The following EPHA2 variants were observed in gnomAD, a reference collection of about 807,000 sequenced individuals.
EPHA2 encodes ephrin type-A receptor 2.
Under a neutral mutation model 104.9 loss-of-function variants are expected in EPHA2, and 54 were observed. The observed-to-expected ratio is 0.51, with a 90% CI of 0.41 to 0.65. The LOEUF (loss-of-function observed/expected upper bound fraction) is 0.65, where lower values mean the gene tolerates loss of function less well. Among genes scored for constraint, EPHA2 ranks in the 30% least tolerant of loss-of-function variants. The pLI, the probability that EPHA2 is intolerant of heterozygous loss-of-function variation, is 0.00. For missense variants in EPHA2, 1,117 were observed against 1,369.5 expected (o/e 0.82, Z 2.91); for synonymous variants, 560 against 559.1 (o/e 1.00, Z -0.02).
intron 1 of EPHA2, chr1:16,153,010 T>C (rs6684516): frequency 0.61 from 351,209 of 575,624 alleles, 108,380 homozygotes; most frequent in East Asian, 0.9. Flanking sequence ...CTCCCGCTTC[T>C]CTGGAAAGGG....
Position 16,150,052 on chromosome 1 carries a change from A to C in EPHA2, c.153+844T>G, listed in dbSNP as rs1161174579. Among the ~76,000 whole-genome samples the C allele has an allele frequency of 6.6e-6, 1 of 152,082 alleles. No individual in the cohort carries two copies. The highest frequency in any genetic ancestry group is 1.5e-5 in the Non-Finnish European group (1 of 68,012). ...TATTAGGTGACCCGTGTTCCCTCCC[A>C]GCTAGACTTCCAGGATCCTAGAAAC... On this transcript the variant is annotated intron_variant, in intron 2 of 16. Transcript: ENST00000358432. The surrounding 1 kb of genome is among the most constrained non-coding windows in gnomAD (Gnocchi z 4.8).
rs1179970351 is a variant in EPHA2, at chr1:16,138,352, G to A, written c.902C>T (p.Pro301Leu). Residue 301 changes from proline (P) to leucine (L), a missense_variant, in exon 4 of 17, where the codon CCT becomes CTT. Physicochemically the swap from Pro to Leu is moderately conservative, Grantham distance 98. Around this residue, in one of 3 missense-constraint regions of EPHA2, gnomAD observed 664 missense variants for 784.8 expected, o/e 0.85. Transcript: ENST00000358432. ...LECPEHTLPSPEGATSCECEE... is the reference protein window; with the variant it reads ...LECPEHTLPSLEGATSCECEE... ...ACACTCGCAGGAGGTGGCACCCTCA[G>A]GGGATGGCAGCGTGTGCTCAGGGCA... is the stretch of plus-strand genomic sequence containing the variant. The A allele has an allele frequency of 1.2e-6, 2 of 1,613,910 alleles. No homozygotes were observed. Among genetic ancestry groups the A allele is most frequent in the Non-Finnish European group, 1.7e-6 (2 of 1,179,998 alleles).
rs959400246 is a variant in EPHA2, at chr1:16,126,674, C to T, written c.2826-1354G>A. Among the ~76,000 whole-genome samples, 8 of 152,224 alleles carry T rather than the reference C, an allele frequency of 5.3e-5. No homozygotes were observed. In the South Asian group the frequency reaches 1.0e-3, roughly 20 times the overall value. On this transcript the variant is annotated intron_variant, in intron 16 of 16. Coordinates refer to ENST00000358432, the MANE Select transcript of EPHA2 (RefSeq NM_004431.5). ...TCTCAAATTGTGGTCCCTGGAAAAG[C>T]GCTCAGACCACGGTGAAGGAGACAG...
chr1:16,139,577 G>C (rs970725452), intron 3 of EPHA2, among the ~76,000 whole-genome samples: 14 of 152,222 alleles, frequency 9.2e-5, no homozygotes, highest in African/African-American at 3.1e-4. Context: ...AACAGCTAAG[G>C]GGGTGGAGAA....
rs182497996 is a variant in EPHA2, at chr1:16,134,217, G to A, written c.1682+251C>T. ...GAGCTACTCGGGGATTCCTGCCTGC[G>A]TGTCCAGAGGAAGTGTGGACACATC... is the stretch of plus-strand genomic sequence containing the variant. On this transcript the variant is annotated intron_variant, in intron 8 of 16. Transcript: ENST00000358432. The surrounding 1 kb of genome is among the most constrained non-coding windows in gnomAD (Gnocchi z 4.5). Among the ~76,000 whole-genome samples, 3 of 142,102 alleles carry A rather than the reference G, an allele frequency of 2.1e-5. No homozygotes were observed. The highest frequency in any genetic ancestry group is 2.1e-4 in the East Asian group (1 of 4,732). 93.2% of individuals were successfully genotyped at this position (142,102 alleles called of 152,430 possible).
rs1425568557 is a variant in EPHA2 at position 16,133,360 on chromosome 1, CA to C, written c.1872del (p.Phe624LeufsTer9). On this transcript the variant is annotated frameshift_variant, in exon 11 of 17. Transcript: ENST00000358432. LOFTEE classifies it high-confidence loss of function. ...TTCAGCATGCCCTTGTACACCTCCC[CA>C]AACTCTCCTGTGGGCAGACAGGGTC... ...TRQKVIGAGE[F>X]GEVYKGMLKT... 1 of 1,613,764 alleles carries C rather than the reference CA, an allele frequency of 6.2e-7. No individual in the cohort carries two copies. Among genetic ancestry groups the C allele is most frequent in the East Asian group, 2.2e-5 (1 of 44,898 alleles).
Position 16,137,857 on chromosome 1 carries a change from C to G in EPHA2, c.1308G>C (p.Gln436His). The change falls in exon 5 of 17, where the codon CAG (glutamine) becomes CAC (histidine). Residue 436 changes from glutamine (Q) to histidine (H), a missense_variant. Around this residue, in one of 3 missense-constraint regions of EPHA2, gnomAD observed 664 missense variants for 784.8 expected, o/e 0.85. Transcript: ENST00000358432. ...SFRTASVSIN[Q>H]TEPPKVRLEG... The stretch of plus-strand genomic sequence containing the variant: ...GCTGCCACCCCTGGACCTCACCTGT[C>G]TGGTTGATGCTGACACTGGCAGTAC... 3 of 1,613,740 alleles carry G rather than the reference C, an allele frequency of 1.9e-6. No homozygotes were observed. Among genetic ancestry groups the G allele is most frequent in the South Asian group, 2.2e-5 (2 of 91,078 alleles).
rs1331327639 is a variant in EPHA2, at chr1:16,155,840, G to T, written c.85+8C>A. On this transcript the variant is annotated splice_region_variant and intron_variant, in intron 1 of 16. Transcript: ENST00000358432. ...GGGGCCAGGGGTCCAGACGCCGCGC[G>T]CACTCACCTTCCTTGCCCTGCGCCG... 1.4e-6 allele frequency: 2 copies of T among 1,431,368 alleles called. No homozygotes were observed. The highest frequency in any genetic ancestry group is 2.8e-5 in the Admixed American group (1 of 35,478). The allele number at this position is 1,431,368 out of a possible 1,614,324, so 88.7% of individuals were successfully genotyped here. A position where few individuals can be genotyped will look rare whatever the true frequency, so the allele number is the denominator to read the frequency against.
Position 16,148,019 on chromosome 1 carries a change from G to T in EPHA2, c.823+359C>A, listed in dbSNP as rs941945778. 6.6e-6 allele frequency among the ~76,000 whole-genome samples: 1 copy of T among 151,916 alleles called. No individual in the cohort carries two copies. Among genetic ancestry groups the T allele is most frequent in the Non-Finnish European group, 1.5e-5 (1 of 67,984 alleles). ...GCCTCCCAAGTAGCTGGGATTACAG[G>T]TGCATGCCACCACACCCAGCTAATT... is the stretch of plus-strand genomic sequence containing the variant. On this transcript the variant is annotated intron_variant, in intron 3 of 16. Transcript: ENST00000358432. This position sits in a 1 kb window ranked among gnomAD's most constrained non-coding sequence, Gnocchi z 4.9.
In EPHA2 at chr1:16,133,851, G is replaced by C; in HGVS notation, c.1738+9C>G. 6.5e-7 allele frequency: 1 copy of C among 1,545,236 alleles called. No homozygotes were observed. Among genetic ancestry groups the C allele is most frequent in the East Asian group, 2.4e-5 (1 of 40,826 alleles). On this transcript the variant is annotated intron_variant, in intron 9 of 16. Coordinates refer to ENST00000358432, the MANE Select transcript of EPHA2 (RefSeq NM_004431.5). ...CAGGGCTGGGCCTGGAGCGGGGGCTGCGTCTCACCTGACTTGGAGAAGTAA... is the reference window on the plus strand; with the variant it reads ...CAGGGCTGGGCCTGGAGCGGGGGCTCCGTCTCACCTGACTTGGAGAAGTAA...
At chr1:16,126,396 A>G (rs553747925) in intron 16 of EPHA2, among the ~76,000 whole-genome samples, 1 of 152,326 alleles carries the variant, frequency 6.6e-6, no homozygotes, top group South Asian at 2.1e-4. Flanking sequence ...GCAAGATCCT[A>G]GTTGCAGTTC....
intron 5 of EPHA2, among the ~76,000 whole-genome samples, chr1:16,136,227 C>A (rs1174539001): frequency 2.0e-5 from 3 of 151,766 alleles, no homozygotes; most frequent in Admixed American, 1.3e-4. Flanking sequence ...GAGCACAGGG[C>A]CAGAGCCCCA....
At chr1:16,144,378 T>A (rs2024888304) in intron 3 of EPHA2, among the ~76,000 whole-genome samples, 1 of 152,208 alleles carries the variant, frequency 6.6e-6, no homozygotes, top group South Asian at 2.1e-4. Flanking sequence ...AGCCAGCAGC[T>A]CCCAGAGTCT....
At chr1:16,132,946 T>C (rs1222815647) in intron 11 of EPHA2, 3 of 508,302 alleles carry the variant, frequency 5.9e-6, no homozygotes, top group Admixed American at 3.4e-5. Context: ...GGTACAAGTA[T>C]GGGGAGAGGT....
At chr1:16,133,982 TC>T in intron 8 of EPHA2, 67 bp from the exon 9 acceptor site, 1 of 1,499,686 alleles carries the variant, frequency 6.7e-7, no homozygotes, top group Non-Finnish European at 9.0e-7. Context: ...CAGGGAAGCC[TC>T]CTGGCCCTAC....
rs1042848253 is a variant in EPHA2 at position 16,135,781 on chromosome 1, C to G, written c.1313-11G>C. ...TCACCTTGGGGGGCTCTGGGCAGGA[C>G]AGGCAGTGGGGGAAGTGGGTAAGAA... On this transcript the variant is annotated splice_polypyrimidine_tract_variant and intron_variant, in intron 5 of 16. Coordinates refer to ENST00000358432, the MANE Select transcript of EPHA2 (RefSeq NM_004431.5). The surrounding 1 kb of genome is among the most constrained non-coding windows in gnomAD (Gnocchi z 4.3). 6.4e-7 allele frequency: 1 copy of G among 1,559,532 alleles called. No homozygotes were observed. Among genetic ancestry groups the G allele is most frequent in the Non-Finnish European group, 8.8e-7 (1 of 1,132,910 alleles).
At chr1:16,126,547 T>C (rs973647266) in intron 16 of EPHA2, among the ~76,000 whole-genome samples, 10 of 152,300 alleles carry the variant, frequency 6.6e-5, no homozygotes, top group Admixed American at 6.5e-4. Flanking sequence ...GCCGAGACAT[T>C]TGGGACATTT....
At chr1:16,146,223 C>T (rs78626564) in intron 3 of EPHA2, among the ~76,000 whole-genome samples, 3,621 of 152,268 alleles carry the variant, frequency 0.024, 61 homozygotes, top group Non-Finnish European at 0.036. Flanking sequence ...CAGGGTTCCA[C>T]GAACTAAGTC....
Position 16,155,929 on chromosome 1 carries a change from C to G in EPHA2, c.4G>C (p.Glu2Gln), listed in dbSNP as rs775940389. 1.3e-6 allele frequency: 2 copies of G among 1,490,684 alleles called. No individual in the cohort carries two copies. Among genetic ancestry groups the G allele is most frequent in the South Asian group, 2.5e-5 (2 of 79,270 alleles). 92.3% of individuals were successfully genotyped at this position (1,490,684 alleles called of 1,614,324 possible). A position where few individuals can be genotyped will look rare whatever the true frequency, so the allele number is the denominator to read the frequency against. The change falls in exon 1 of 17, where the codon GAG becomes CAG. Residue 2 changes from glutamate (E) to glutamine (Q), a missense_variant. This residue lies in a region of EPHA2 where 664 missense variants were observed against 784.8 expected (regional missense o/e 0.85). Coordinates refer to ENST00000358432, the MANE Select transcript of EPHA2 (RefSeq NM_004431.5). Reference sequence around the variant, plus strand: ...AAGCAGGCGCGGGCTGCCTGGAGCTCCATGCCGCGCTTCTCGCTCTCGGTC... The same window carrying G: ...AAGCAGGCGCGGGCTGCCTGGAGCTGCATGCCGCGCTTCTCGCTCTCGGTC... M[E>Q]LQAARACFAL...
Sources: allele counts gnomAD v4.1 joint callset (sites outside exome capture counted in the v4.1 genomes callset), GRCh38; gene constraint gnomAD v4.1.1; regional missense constraint gnomAD v4.1.1; non-coding constraint Gnocchi (gnomAD v3.1); transcripts MANE v1.5; gene names NCBI Gene and HGNC (gene_info 2026-07-23, HGNC 2026-07-21).